ELMO1: variants seen among roughly 807,000 people sequenced by gnomAD.
The protein encoded by ELMO1 is engulfment and cell motility protein 1.
ELMO1 carries 26 observed loss-of-function variants against 98.9 expected under a neutral mutation model. The observed-to-expected ratio is 0.26, with a 90% CI of 0.19 to 0.36. The LOEUF (loss-of-function observed/expected upper bound fraction) is 0.36. Ranked by LOEUF, ELMO1 falls within the 10% of genes least tolerant of loss-of-function variation. ELMO1 has a pLI of 1.00. For missense variants in ELMO1, 627 were observed against 935.2 expected (o/e 0.67, Z 4.30); for synonymous variants, 346 against 346.0 (o/e 1.00, Z 0.00).
At chr7:37,214,150 C>A (rs1276012937) in intron 11 of ELMO1, among the ~76,000 whole-genome samples, 2 of 152,174 alleles carry the variant, frequency 1.3e-5, no homozygotes, top group Non-Finnish European at 2.9e-5. Flanking sequence ...ATCCCCTCAC[C>A]CCTGCCCAGA....
chr7:37,318,314 A>G (rs977834340), intron 2 of ELMO1, among the ~76,000 whole-genome samples: 1 of 152,308 alleles, frequency 6.6e-6, no homozygotes, highest in African/African-American at 2.4e-5. Context: ...TTATCAGAGA[A>G]TCTCCCCAAA....
At chr7:36,864,205 A>C (rs1802849567) in intron 20 of ELMO1, among the ~76,000 whole-genome samples, 1 of 152,300 alleles carries the variant, frequency 6.6e-6, no homozygotes, top group Non-Finnish European at 1.5e-5. Flanking sequence ...CAGGGTGCTG[A>C]AGTCACTTGA....
chr7:36,998,634 A>T (rs1403766573), intron 16 of ELMO1, among the ~76,000 whole-genome samples: 1 of 152,168 alleles, frequency 6.6e-6, no homozygotes, highest in Non-Finnish European at 1.5e-5. Flanking sequence ...AGAGTGGTTC[A>T]CAGGGTCAAG....
At chr7:36,975,845 G>GAAAA (rs200193324) in intron 16 of ELMO1, among the ~76,000 whole-genome samples, 42 of 103,802 alleles carry the variant, frequency 4.0e-4, no homozygotes, top group Middle Eastern at 0.011. Context: ...ACACTTGCCT[G>GAAAA]AAAAAAAAAA....
At chr7:37,080,009 A>G (rs1797779550) in intron 15 of ELMO1, among the ~76,000 whole-genome samples, 2 of 152,220 alleles carry the variant, frequency 1.3e-5, no homozygotes. Flanking sequence ...CTCAAAATTA[A>G]CACAAACAAA....
At chr7:37,052,268 G>A (rs1388281030) in intron 15 of ELMO1, among the ~76,000 whole-genome samples, 1 of 152,100 alleles carries the variant, frequency 6.6e-6, no homozygotes, top group African/African-American at 2.4e-5. Context: ...CTCTGCTTTT[G>A]TTGTCAAGTT....
chr7:37,368,508 C>A (rs1801988901), intron 1 of ELMO1, among the ~76,000 whole-genome samples: 3 of 152,094 alleles, frequency 2.0e-5, no homozygotes. Flanking sequence ...GACCTGCTTC[C>A]ACCTCCCTGT....
chr7:37,084,271 G>A (rs1783639838), intron 15 of ELMO1, among the ~76,000 whole-genome samples: 1 of 152,098 alleles, frequency 6.6e-6, no homozygotes, highest in Non-Finnish European at 1.5e-5. Context: ...AGGTTTCAGG[G>A]TAAAATGCAA....
chr7:37,195,535 A>T (rs1195764423), intron 13 of ELMO1, among the ~76,000 whole-genome samples: 1 of 152,224 alleles, frequency 6.6e-6, no homozygotes, highest in African/African-American at 2.4e-5. Flanking sequence ...CACACCTTGG[A>T]TGCCTGTTTG....
At chr7:36,973,838 C>T (rs755796774) in intron 16 of ELMO1, among the ~76,000 whole-genome samples, 1 of 152,230 alleles carries the variant, frequency 6.6e-6, no homozygotes, top group African/African-American at 2.4e-5. Flanking sequence ...GCACTCGGAG[C>T]AGCCGGCCCT....
chr7:37,447,223 TTA>T (rs1160321756), intron 1 of ELMO1, among the ~76,000 whole-genome samples: 3 of 152,164 alleles, frequency 2.0e-5, no homozygotes, highest in African/African-American at 4.8e-5. Flanking sequence ...TTAATTACTT[TTA>T]TAGAAGCAAA....
intron 13 of ELMO1, among the ~76,000 whole-genome samples, chr7:37,152,002 T>C (rs181431221): frequency 2.1e-4 from 32 of 152,274 alleles, no homozygotes; most frequent in Admixed American, 1.7e-3. Context: ...TTTGAGTCCA[T>C]TGCCAACCAG....
chr7:37,114,149 G>A (rs1785418731), intron 14 of ELMO1, among the ~76,000 whole-genome samples: 1 of 152,232 alleles, frequency 6.6e-6, no homozygotes, highest in Admixed American at 6.5e-5. Context: ...GTAGGCAGAT[G>A]AGTGATGTGA....
intron 15 of ELMO1, among the ~76,000 whole-genome samples, chr7:37,073,733 A>G (rs1292801887): frequency 6.6e-6 from 1 of 152,048 alleles, no homozygotes; most frequent in East Asian, 1.9e-4. Context: ...CTACAGACAC[A>G]TACCACCATG....
intron 1 of ELMO1, among the ~76,000 whole-genome samples, chr7:37,412,194 C>T (rs1408624760): frequency 6.6e-6 from 1 of 152,118 alleles, no homozygotes; most frequent in Non-Finnish European, 1.5e-5. Flanking sequence ...GTTCTTTCTT[C>T]AAAGGAACAA....
intron 13 of ELMO1, among the ~76,000 whole-genome samples, chr7:37,165,217 C>T (rs988782855): frequency 6.6e-6 from 1 of 152,208 alleles, no homozygotes; most frequent in Non-Finnish European, 1.5e-5. Context: ...AGTTGCTTAT[C>T]AGCTTAAGGA....
At chr7:37,263,266 T>A (rs1191820142) in intron 5 of ELMO1, among the ~76,000 whole-genome samples, 1 of 150,316 alleles carries the variant, frequency 6.7e-6, no homozygotes, top group Non-Finnish European at 1.5e-5. Flanking sequence ...TTTATATATT[T>A]TATATATATA....
intron 4 of ELMO1, among the ~76,000 whole-genome samples, chr7:37,291,862 C>T (rs1465515236): frequency 6.8e-6 from 1 of 147,302 alleles, no homozygotes; most frequent in South Asian, 2.5e-4. Context: ...TTGCAGTGAG[C>T]CGAGATCACA....
intron 1 of ELMO1, among the ~76,000 whole-genome samples, chr7:37,403,146 T>C (rs951969254): frequency 6.6e-6 from 1 of 152,182 alleles, no homozygotes; most frequent in African/African-American, 2.4e-5. Flanking sequence ...CAAAAAGACA[T>C]GGATAAGTTT....
Sources: gnomAD v4.1 joint callset for allele counts (sites outside exome capture counted in the v4.1 genomes callset) on GRCh38, gnomAD v4.1.1 for gene constraint, MANE v1.5 for transcripts, NCBI Gene and HGNC (gene_info 2026-07-23, HGNC 2026-07-21) for gene names.